The following GOLGA1 variants were observed in gnomAD, a reference collection of about 807,000 sequenced individuals.
The protein encoded by GOLGA1 is golgin subfamily A member 1.
In GOLGA1, 63 loss-of-function variants were observed where a neutral mutation model predicts 119.7. The ratio of observed to expected loss-of-function variants is 0.53; its 90% CI spans 0.43 to 0.65. GOLGA1 has a LOEUF of 0.65. GOLGA1 is among the 30% of genes least tolerant of loss of function. The pLI is 0.00. For missense variants in GOLGA1, 798 were observed against 912.8 expected (o/e 0.87, Z 1.62); for synonymous variants, 318 against 333.4 (o/e 0.95, Z 0.50).
intron 10 of GOLGA1, among the ~76,000 whole-genome samples, chr9:124,913,575 C>T (rs1830380782): frequency 6.6e-6 from 1 of 152,180 alleles, no homozygotes; most frequent in African/African-American, 2.4e-5. Flanking sequence ...AAGTATTTGC[C>T]ATTCTGAATT....
At position 124,900,425 on chromosome 9, in the gene GOLGA1, A is replaced by G. The variant is rs774667217; in HGVS notation, c.1161+27T>C. 4 of 1,113,824 alleles carry G rather than the reference A, an allele frequency of 3.6e-6. No individual in the cohort carries two copies. The Admixed American group carries it at 6.8e-5, about 19-fold the overall frequency. The allele number at this position is 1,113,824 out of a possible 1,614,324, so 69.0% of individuals were successfully genotyped here. ...TGGAGAGAAAGCATTAAGGGCCTGG[A>G]ATGCAGCAGCTCCAATAAGCACTTA... is the stretch of plus-strand genomic sequence containing the variant. On this transcript the variant is annotated intron_variant, in intron 13 of 22. Coordinates refer to ENST00000373555, the MANE Select transcript of GOLGA1 (RefSeq NM_002077.4).
At chr9:124,904,661 G>C (rs1830183977) in intron 12 of GOLGA1, among the ~76,000 whole-genome samples, 1 of 151,452 alleles carries the variant, frequency 6.6e-6, no homozygotes, top group Non-Finnish European at 1.5e-5. Flanking sequence ...ATACAAAAAG[G>C]CTGGGCGCAG....
upstream of GOLGA1, among the ~76,000 whole-genome samples, chr9:124,941,600 CA>C (rs766280473): frequency 6.6e-5 from 10 of 152,226 alleles, no homozygotes; most frequent in Non-Finnish European, 1.3e-4. Flanking sequence ...ACCTTGAGAC[CA>C]GTTTTTAGAC....
chr9:124,938,690 T>G lies in GOLGA1; in HGVS notation c.22A>C (p.Lys8Gln). The G allele has an allele frequency of 6.2e-7, 1 of 1,613,726 alleles. No homozygotes were observed. ...GCAACAGCAGTCTCTTCTGCAATTTTCTTCTTCAGTTTTGCAAACATGTTT... is the reference window on the plus strand; with the variant it reads ...GCAACAGCAGTCTCTTCTGCAATTTGCTTCTTCAGTTTTGCAAACATGTTT... MFAKLKK[K>Q]IAEETAVAQR... is the part of the protein sequence containing the mutation. Residue 8 changes from lysine (K) to glutamine (Q), a missense_variant, in exon 3 of 23, where the codon AAA becomes CAA. Physicochemically the swap from Lys to Gln is moderately conservative, Grantham distance 53. Transcript: ENST00000373555.
rs1285421498 is a variant in GOLGA1 at position 124,912,444 on chromosome 9, G to A, written c.844-418C>T. Among the ~76,000 whole-genome samples, 3 of 152,220 alleles carry A rather than the reference G, an allele frequency of 2.0e-5. No homozygotes were observed. In the East Asian group the frequency reaches 5.8e-4, roughly 29 times the overall value. ...AGGCTAAAGAGAGAACTTCTGAAAT[G>A]ATGAGATTCACCTGGCTCACAGGAC... On this transcript the variant is annotated intron_variant, in intron 10 of 22. Transcript: ENST00000373555.
In GOLGA1 at chr9:124,881,710, T is replaced by TG. The variant is rs3214725; in HGVS notation, c.2136+73dup. 0.11 allele frequency: 110,329 copies of TG among 960,558 alleles called. 7,421 individuals are homozygous for TG. The highest frequency in any genetic ancestry group is 0.13 in the Non-Finnish European group (83,807 of 631,914). The allele number at this position is 960,558 out of a possible 1,614,324, so 59.5% of individuals were successfully genotyped here. On this transcript the variant is annotated intron_variant, in intron 21 of 22. Transcript: ENST00000373555. This position sits in a 1 kb window ranked among gnomAD's most constrained non-coding sequence, Gnocchi z 4.9. ...GTACGAGGAAAAGAGAGAAAGGGGC[T>TG]GGGCAGGGGTCCCTGCAGGACAGAC...
At position 124,936,444 on chromosome 9, in the gene GOLGA1, T is replaced by A. The variant is rs553839423; in HGVS notation, c.135+2133A>T. On this transcript the variant is annotated intron_variant, in intron 3 of 22. Transcript: ENST00000373555. ...TTTTCAAATGCTGGGATCTTTTTTT[T>A]AAAAAAAATCTTTAGAGACAGAGTC... 2.3e-3 allele frequency among the ~76,000 whole-genome samples: 345 copies of A among 151,792 alleles called. 1 individual carries two copies. The highest frequency in any genetic ancestry group is 6.7e-3 in the South Asian group (32 of 4,796).
At chr9:124,936,431 G>C (rs1487057836) in intron 3 of GOLGA1, among the ~76,000 whole-genome samples, 1 of 151,924 alleles carries the variant, frequency 6.6e-6, no homozygotes, top group Non-Finnish European at 1.5e-5. Flanking sequence ...TTCAAATGCT[G>C]GGATCTTTTT....
intron 11 of GOLGA1, among the ~76,000 whole-genome samples, chr9:124,909,335 C>T (rs565888577): frequency 2.0e-5 from 3 of 149,822 alleles, no homozygotes; most frequent in South Asian, 4.3e-4. Context: ...GGGCTGGGAG[C>T]GGTGGTTCAC....
Position 124,880,488 on chromosome 9 carries a change from A to G in GOLGA1, c.*42T>C, listed in dbSNP as rs1349623170. ...GGTGTGTCAGTGTTCTTTTCACAGA[A>G]AAAGTGTCAACCCACGGAGCTCCAT... On this transcript the variant is annotated 3_prime_UTR_variant, in exon 23 of 23. Transcript: ENST00000373555. 1.8e-6 allele frequency: 2 copies of G among 1,107,642 alleles called. No individual in the cohort carries two copies. The highest frequency in any genetic ancestry group is 1.5e-5 in the African/African-American group (1 of 65,334). The allele number at this position is 1,107,642 out of a possible 1,614,324, so 68.6% of individuals were successfully genotyped here.
intron 10 of GOLGA1, among the ~76,000 whole-genome samples, chr9:124,917,739 C>G (rs921850094): frequency 2.0e-5 from 3 of 152,152 alleles, no homozygotes; most frequent in Admixed American, 6.6e-5. Context: ...TTTGTTCATG[C>G]TGTTCCCTGC....
intron 15 of GOLGA1, among the ~76,000 whole-genome samples, chr9:124,892,708 G>T (rs1427671831): frequency 6.6e-6 from 1 of 152,062 alleles, no homozygotes; most frequent in Non-Finnish European, 1.5e-5. Flanking sequence ...AAAAGTGGAC[G>T]GATCACCTGA....
At position 124,905,411 on chromosome 9, in the gene GOLGA1, G is replaced by A. The variant is rs191137142; in HGVS notation, c.1065+2966C>T. Among the ~76,000 whole-genome samples, 368 of 152,114 alleles carry A rather than the reference G, an allele frequency of 2.4e-3. 2 individuals carry two copies. Among genetic ancestry groups the A allele is most frequent in the African/African-American group, 7.9e-3 (328 of 41,502 alleles). Reference sequence around the variant, plus strand: ...TGGGAAGCGGAGGTTGCAGTGAGCCGAGATCATGCCACTGCACTCCAGCCT... The same window carrying A: ...TGGGAAGCGGAGGTTGCAGTGAGCCAAGATCATGCCACTGCACTCCAGCCT... On this transcript the variant is annotated intron_variant, in intron 12 of 22. Coordinates refer to ENST00000373555, the MANE Select transcript of GOLGA1 (RefSeq NM_002077.4).
At chr9:124,944,547 G>C (rs1054651137), upstream of GOLGA1, 1 of 137,734 alleles carries the variant, frequency 7.3e-6, no homozygotes, top group Admixed American at 8.3e-5. Context: ...TCCAACTCCT[G>C]AGTAATAAAA....
rs186352170 is a variant in GOLGA1 at position 124,896,429 on chromosome 9, A to G, written c.1407+2120T>C. 1.6e-4 allele frequency among the ~76,000 whole-genome samples: 25 copies of G among 152,188 alleles called. No individual in the cohort carries two copies. In the East Asian group the frequency reaches 4.6e-3, roughly 28 times the overall value. On this transcript the variant is annotated intron_variant, in intron 15 of 22. Transcript: ENST00000373555. ...CTCCGTCTCACATACAAAAAACAAAAAGCAAACAAAACAGCTCTATCTCTA... is the reference window on the plus strand; with the variant it reads ...CTCCGTCTCACATACAAAAAACAAAGAGCAAACAAAACAGCTCTATCTCTA...
chr9:124,929,162 A>G, intron 5 of GOLGA1, 54 bp downstream of exon 5: 2 of 1,058,304 alleles, frequency 1.9e-6, no homozygotes, highest in Non-Finnish European at 1.5e-6. Flanking sequence ...CTATTGTTTC[A>G]TTTCAAAAAC....
At chr9:124,887,461 C>CT (rs765429993) in intron 19 of GOLGA1, 3 of 152,084 alleles carry the variant, frequency 2.0e-5, no homozygotes, top group Non-Finnish European at 2.9e-5. Flanking sequence ...GTTTTGTACA[C>CT]TTTCCTGTGT....
intron 3 of GOLGA1, 119 bp downstream of exon 3, chr9:124,938,458 T>G (rs897491494): frequency 1.2e-6 from 1 of 802,646 alleles, no homozygotes; most frequent in African/African-American, 1.7e-5. Flanking sequence ...AAGAATCAGA[T>G]GTACAGGCTC....
intron 10 of GOLGA1, among the ~76,000 whole-genome samples, chr9:124,920,659 G>C (rs115809521): frequency 0.017 from 2,635 of 152,084 alleles, 73 homozygotes; most frequent in African/African-American, 0.06. Context: ...AGTCAGGCCA[G>C]GCACGGTGGC....
Sources: gnomAD v4.1 joint callset for allele counts (sites outside exome capture counted in the v4.1 genomes callset) on GRCh38, gnomAD v4.1.1 for gene constraint, Gnocchi (gnomAD v3.1) non-coding constraint, MANE v1.5 for transcripts, NCBI Gene and HGNC (gene_info 2026-07-23, HGNC 2026-07-21) for gene names.